The following NFIA variants were observed in gnomAD, a reference collection of about 807,000 sequenced individuals.
NFIA encodes nuclear factor 1 A-type.
NFIA carries 8 observed loss-of-function variants against 62.8 expected under a neutral mutation model. The observed-to-expected ratio is 0.13, with a 90% confidence interval of 0.07 to 0.23. The LOEUF (loss-of-function observed/expected upper bound fraction) is 0.23, where lower values mean the gene tolerates loss of function less well. Ranked by LOEUF, NFIA falls within the 10% of genes least tolerant of loss-of-function variation. NFIA has a pLI of 1.00. For synonymous variants in NFIA, 235 were observed against 238.1 expected (o/e 0.99, Z 0.12); for missense variants, 410 against 642.1 (o/e 0.64, Z 3.91).
chr1:61,368,849 C>T (rs555304510), intron 6 of NFIA, among the ~76,000 whole-genome samples: 1 of 152,202 alleles, frequency 6.6e-6, no homozygotes, highest in Admixed American at 6.5e-5. Context: ...CTATTATATG[C>T]AAAGCACTGT....
rs918429993 is a variant in NFIA, at chr1:61,455,472, C to G, written c.*152C>G. 6 of 1,276,032 alleles carry G rather than the reference C, an allele frequency of 4.7e-6. No homozygotes were observed. The African/African-American group carries it at 7.5e-5, about 16-fold the overall frequency. 79.0% of individuals were successfully genotyped at this position (1,276,032 alleles called of 1,614,324 possible). A position where few individuals can be genotyped will look rare whatever the true frequency, so the allele number is the denominator to read the frequency against. On this transcript the variant is annotated 3_prime_UTR_variant, in exon 11 of 11. Coordinates refer to ENST00000403491, the MANE Select transcript of NFIA (RefSeq NM_001134673.4). ...CAAATCAACTTGTACATGGAAACAG[C>G]AAGCATTATGGTCAAACAGCAAAGG...
intron 2 of NFIA, among the ~76,000 whole-genome samples, chr1:61,213,873 GTCA>G (rs1223689013): frequency 6.6e-6 from 1 of 152,164 alleles, no homozygotes; most frequent in Non-Finnish European, 1.5e-5. Flanking sequence ...TCACCCACCA[GTCA>G]GACAGTTTAA....
intron 10 of NFIA, among the ~76,000 whole-genome samples, chr1:61,438,078 T>C (rs1404543561): frequency 2.6e-5 from 4 of 152,238 alleles, no homozygotes; most frequent in African/African-American, 9.6e-5. Context: ...AATAGTAGCA[T>C]TGAGACCTGT....
chr1:61,321,176 T>TATGGCAGGCCACTGA (rs1186157436), intron 3 of NFIA, among the ~76,000 whole-genome samples: 164 of 152,272 alleles, frequency 1.1e-3, no homozygotes, highest in African/African-American at 3.7e-3. Context: ...ACAGAAGACC[T>TATGGCAGGCCACTGA]TAGCTTTTCT....
At chr1:61,353,627 C>G (rs1662671275) in intron 5 of NFIA, among the ~76,000 whole-genome samples, 2 of 152,080 alleles carry the variant, frequency 1.3e-5, no homozygotes, top group African/African-American at 4.8e-5. Flanking sequence ...AGAACTTTTC[C>G]TTGGTGCACA....
chr1:61,162,137 C>G (rs759383694), intron 2 of NFIA, among the ~76,000 whole-genome samples: 1 of 151,894 alleles, frequency 6.6e-6, no homozygotes, highest in African/African-American at 2.4e-5. Flanking sequence ...GAAAAGTATG[C>G]GAGTACTGGA....
At chr1:61,372,831 T>G (rs1005665825) in intron 6 of NFIA, among the ~76,000 whole-genome samples, 1 of 152,132 alleles carries the variant, frequency 6.6e-6, no homozygotes, top group Non-Finnish European at 1.5e-5. Flanking sequence ...TGAAGGGATC[T>G]TTTGGCTCAT....
intron 2 of NFIA, among the ~76,000 whole-genome samples, chr1:61,105,401 T>C (rs1646579067): frequency 6.6e-6 from 1 of 151,976 alleles, no homozygotes; most frequent in Non-Finnish European, 1.5e-5. Context: ...TTTTATTCCT[T>C]AGGGTATTAC....
At chr1:61,387,934 AAGTAGAGC>A (rs1664788238) in intron 7 of NFIA, among the ~76,000 whole-genome samples, 1 of 152,228 alleles carries the variant, frequency 6.6e-6, no homozygotes, top group Non-Finnish European at 1.5e-5. Flanking sequence ...AAGATTCTCT[AAGTAGAGC>A]TTTGCTATTA....
At position 61,359,166 on chromosome 1, in the gene NFIA, T is replaced by C. The variant is rs1456168764; in HGVS notation, c.838T>C (p.Ser280Pro). ...SSTSSTKRLKSVEDEMDSPGE... is the reference protein window; with the variant it reads ...SSTSSTKRLKPVEDEMDSPGE... The stretch of plus-strand genomic sequence containing the variant: ...TTTCAGCTCCACAAAGCGCCTCAAG[T>C]CTGTGGAGGATGAAATGGACAGTCC... Residue 280 changes from serine (S) to proline (P), a missense_variant, in exon 6 of 11, where the codon TCT becomes CCT. Ser to Pro is a moderately conservative substitution (Grantham distance 74). This residue lies in a region of NFIA where 298 missense variants were observed against 438.1 expected (regional missense o/e 0.68). Coordinates refer to ENST00000403491, the MANE Select transcript of NFIA (RefSeq NM_001134673.4). 1.2e-6 allele frequency: 2 copies of C among 1,613,412 alleles called. No homozygotes were observed. The highest frequency in any genetic ancestry group is 1.8e-4 in the Middle Eastern group (1 of 5,504).
rs183865885 is a variant in NFIA at position 61,328,041 on chromosome 1, G to A, written c.626-4471G>A. 3.7e-3 allele frequency among the ~76,000 whole-genome samples: 560 copies of A among 151,056 alleles called. 5 individuals are homozygous for A. The highest frequency in any genetic ancestry group is 0.013 in the African/African-American group (540 of 41,152). ...TGTTGGGCATTTTTTCATGTTTGTT[G>A]GCCATTTGTCTATCTTCTTTTGAAA... is the stretch of plus-strand genomic sequence containing the variant. On this transcript the variant is annotated intron_variant, in intron 3 of 10. Transcript: ENST00000403491.
chr1:61,293,731 T>C (rs1659033388), intron 3 of NFIA, among the ~76,000 whole-genome samples: 1 of 152,242 alleles, frequency 6.6e-6, no homozygotes, highest in South Asian at 2.1e-4. Flanking sequence ...CTAACATTCT[T>C]AGAACATGAT....
At chr1:61,108,272 G>A (rs1646638422) in intron 2 of NFIA, among the ~76,000 whole-genome samples, 1 of 151,504 alleles carries the variant, frequency 6.6e-6, no homozygotes, top group African/African-American at 2.4e-5. Context: ...TATGAACATG[G>A]TATGTCTCTT....
At chr1:61,185,858 A>G (rs901103764) in intron 2 of NFIA, among the ~76,000 whole-genome samples, 3 of 151,788 alleles carry the variant, frequency 2.0e-5, no homozygotes, top group Admixed American at 2.0e-4. Flanking sequence ...TCCTGTTTAT[A>G]TTTTCCATAA....
intron 3 of NFIA, among the ~76,000 whole-genome samples, chr1:61,306,134 G>A (rs1570549571): frequency 1.3e-5 from 2 of 151,722 alleles, no homozygotes; most frequent in South Asian, 4.2e-4. Flanking sequence ...ACAGGCGTGA[G>A]CCACCGCACC....
intron 2 of NFIA, among the ~76,000 whole-genome samples, chr1:61,261,744 C>T (rs950434010): frequency 6.6e-6 from 1 of 152,280 alleles, no homozygotes; most frequent in Non-Finnish European, 1.5e-5. Context: ...AGCAAGCTGG[C>T]GATCTGCCTT....
rs538700398 is a variant in NFIA at position 61,437,091 on chromosome 1, C to T, written c.1512+10535C>T. Among the ~76,000 whole-genome samples, 216 of 152,350 alleles carry T rather than the reference C, an allele frequency of 1.4e-3. 1 individual carries two copies. The highest frequency in any genetic ancestry group is 2.1e-3 in the Non-Finnish European group (146 of 68,030). On this transcript the variant is annotated intron_variant, in intron 10 of 10. Coordinates refer to ENST00000403491, the MANE Select transcript of NFIA (RefSeq NM_001134673.4). ...TCTCAGCACAGGGCAACCTCGGACCCTCACAGTGCTGCCTTAATAATGTGG... is the reference window on the plus strand; with the variant it reads ...TCTCAGCACAGGGCAACCTCGGACCTTCACAGTGCTGCCTTAATAATGTGG...
At chr1:61,284,493 G>C (rs893269758) in intron 3 of NFIA, among the ~76,000 whole-genome samples, 2 of 151,904 alleles carry the variant, frequency 1.3e-5, no homozygotes, top group African/African-American at 4.8e-5. Context: ...GCTTCCCCAA[G>C]TGCATGACGC....
intron 3 of NFIA, among the ~76,000 whole-genome samples, chr1:61,301,981 T>A (rs144973305): frequency 6.6e-6 from 1 of 152,334 alleles, no homozygotes; most frequent in African/African-American, 2.4e-5. Flanking sequence ...AGCTCTCCTC[T>A]GAGAGAGAAC....
Sources: gnomAD v4.1 joint callset for allele counts (sites outside exome capture counted in the v4.1 genomes callset) on GRCh38, gnomAD v4.1.1 for gene constraint, gnomAD v4.1.1 regional missense constraint, MANE v1.5 for transcripts, NCBI Gene and HGNC (gene_info 2026-07-23, HGNC 2026-07-21) for gene names.